HK1: variants seen among roughly 807,000 people sequenced by gnomAD.
The protein encoded by HK1 is hexokinase-1.
A neutral mutation model predicts 91.6 loss-of-function variants in HK1; 28 were observed. The observed-to-expected ratio is 0.31, with a 90% CI of 0.23 to 0.42. The LOEUF is 0.42. Among genes scored for constraint, HK1 ranks in the 10% least tolerant of loss-of-function variants. The probability of loss-of-function intolerance (pLI) is 1.00; values close to 1 mark genes in which losing one functional copy is unlikely to be tolerated. For missense variants in HK1, 770 were observed against 1,219.8 expected, an observed-to-expected ratio of 0.63 and a Z score of 5.49; for synonymous variants, 430 against 468.1, an observed-to-expected ratio of 0.92 and a Z score of 1.05.
In HK1 at chr10:69,382,622, C is replaced by G; in HGVS notation, c.1401C>G (p.His467Gln). The G allele has an allele frequency of 6.2e-7, 1 of 1,614,190 alleles. No homozygotes were observed. The highest frequency in any genetic ancestry group is 8.5e-7 in the Non-Finnish European group (1 of 1,180,034). ...TGGCCTACCGCTTGGCCGAGCAGCA[C>G]CGGCAGATAGAGGAGACCCTGGCTC... ...TAVAYRLAEQ[H>Q]RQIEETLAHF... Residue 467 changes from histidine to glutamine, a missense_variant, in exon 10 of 18, where the codon CAC becomes CAG. Around this residue, in one of 7 missense-constraint regions of HK1, gnomAD observed 449 missense variants for 665.1 expected, o/e 0.68. Transcript: ENST00000359426.
upstream of HK1, among the ~76,000 whole-genome samples, chr10:69,313,614 C>T (rs1178171793): frequency 6.6e-6 from 1 of 152,148 alleles, no homozygotes; most frequent in Non-Finnish European, 1.5e-5. Flanking sequence ...AGGCGTACAC[C>T]ACCATGCTGA....
rs181553527 is a variant in HK1, at chr10:69,380,439, G to A, written c.1265+344G>A. On this transcript the variant is annotated intron_variant, in intron 9 of 17. Coordinates refer to ENST00000359426, the MANE Select transcript of HK1 (RefSeq NM_000188.3). The surrounding 1 kb of genome is among the most constrained non-coding windows in gnomAD (Gnocchi z 4.0). ...GCTGGTATTGCTTCTGCACTCTGTC[G>A]TTACCTCGCCCTGTCAAAAGTCGAG... 1.4e-4 allele frequency among the ~76,000 whole-genome samples: 21 copies of A among 152,262 alleles called. No homozygotes were observed. The highest frequency in any genetic ancestry group is 4.1e-4 in the South Asian group (2 of 4,824).
intron 3 of HK1, among the ~76,000 whole-genome samples, chr10:69,294,903 C>A (rs1589445972): frequency 6.6e-6 from 1 of 151,454 alleles, no homozygotes; most frequent in Middle Eastern, 3.4e-3. Context: ...GTGTTGCACA[C>A]CTGTAGTCCC....
rs77156340 is a variant in HK1, at chr10:69,399,514, A to G, written c.2609+686A>G. On this transcript the variant is annotated intron_variant, in intron 17 of 17. Coordinates refer to ENST00000359426, the MANE Select transcript of HK1 (RefSeq NM_000188.3). The stretch of plus-strand genomic sequence containing the variant: ...GCAACAGAGTGAGACCCTATTTCAA[A>G]AAATAAAATAGGAAAGGAGGATAGC... 7.5e-3 allele frequency among the ~76,000 whole-genome samples: 1,137 copies of G among 152,248 alleles called. 19 individuals are homozygous for G. Among genetic ancestry groups the G allele is most frequent in the African/African-American group, 0.026 (1,074 of 41,530 alleles).
intron 4 of HK1, chr10:69,300,392 TC>T (rs1161139496): frequency 1.7e-5 from 10 of 576,240 alleles, no homozygotes; most frequent in South Asian, 3.7e-5. Flanking sequence ...TGCTTTTTTT[TC>T]ATGAGGCATT....
At chr10:69,300,865 C>A (rs1108272) in intron 5 of HK1, 6 of 1,460,552 alleles carry the variant, frequency 4.1e-6, no homozygotes, top group Non-Finnish European at 5.8e-6. Context: ...TGATTTTGTA[C>A]GTAGAAAATC....
intron 5 of HK1, among the ~76,000 whole-genome samples, chr10:69,301,573 C>CAAA (rs3086649): frequency 1.7e-3 from 134 of 80,706 alleles, no homozygotes; most frequent in African/African-American, 3.4e-3. Flanking sequence ...GACTCTGTCT[C>CAAA]AAAAAAAAAA....
intron 2 of HK1, chr10:69,288,590 T>A: frequency 1.3e-6 from 1 of 773,706 alleles, no homozygotes; most frequent in Admixed American, 1.8e-5. Context: ...TATTAGGGTG[T>A]TTAGCTTCCT....
intron 2 of HK1, among the ~76,000 whole-genome samples, chr10:69,351,044 G>A (rs1032968727): frequency 2.0e-5 from 3 of 151,320 alleles, no homozygotes; most frequent in African/African-American, 7.3e-5. Context: ...GCGTGGTGGC[G>A]GGCTCCTGTA....
At chr10:69,368,406 G>T (rs555264759) in intron 4 of HK1, 130 bp from the exon 5 acceptor site, 7 of 756,950 alleles carry the variant, frequency 9.2e-6, no homozygotes, top group African/African-American at 1.7e-5. Flanking sequence ...CCCAAGCCCA[G>T]TGTGATCTGG....
At chr10:69,276,589 G>A (rs977678517) in intron 1 of HK1, among the ~76,000 whole-genome samples, 3 of 151,996 alleles carry the variant, frequency 2.0e-5, no homozygotes, top group Non-Finnish European at 4.4e-5. Flanking sequence ...AACCCGGGAG[G>A]CGGAGGTTGC....
chr10:69,392,423 C>A (rs1839936094), intron 15 of HK1, 115 bp downstream of exon 15: 2 of 1,086,670 alleles, frequency 1.8e-6, no homozygotes, highest in African/African-American at 1.5e-5. Flanking sequence ...ACAGAGGTTT[C>A]AAGACTGGAC....
rs1212219357 is a variant in HK1, at chr10:69,302,652, G to A, written c.27+1791G>A. ...CATCTGTGGTCCCAGCTACTTGGGA[G>A]GCTGAGGTGGGAGGATCACTTGGGC... On this transcript the variant is annotated intron_variant, in intron 5 of 21. Transcript: ENST00000360289. Among the ~76,000 whole-genome samples, 4 of 151,752 alleles carry A rather than the reference G, an allele frequency of 2.6e-5. No homozygotes were observed. The East Asian group carries it at 7.8e-4, about 30-fold the overall frequency.
intron 3 of HK1, chr10:69,295,547 T>C (rs1402764023): frequency 6.7e-6 from 6 of 900,192 alleles, no homozygotes; most frequent in African/African-American, 1.6e-5. Flanking sequence ...CTGAGCGTGA[T>C]TGATTAGTTA....
chr10:69,394,604 G>A (rs1343071723), intron 15 of HK1, among the ~76,000 whole-genome samples: 2 of 151,766 alleles, frequency 1.3e-5, no homozygotes, highest in Non-Finnish European at 2.9e-5. Context: ...ATGGTGAGGT[G>A]TGTGGGAACC....
At chr10:69,327,257 G>A (rs1589489730) in intron 1 of HK1, among the ~76,000 whole-genome samples, 1 of 152,098 alleles carries the variant, frequency 6.6e-6, no homozygotes, top group East Asian at 1.9e-4. Context: ...TCTTTCCAAA[G>A]TTCTGGGATT....
chr10:69,333,329 G>A (rs925817400), intron 1 of HK1, among the ~76,000 whole-genome samples: 2 of 152,220 alleles, frequency 1.3e-5, no homozygotes, highest in African/African-American at 4.8e-5. Context: ...TTGTCGGGAG[G>A]TGCTGGGACA....
chr10:69,354,747 G>A (rs942118377), intron 2 of HK1, among the ~76,000 whole-genome samples: 1 of 152,126 alleles, frequency 6.6e-6, no homozygotes, highest in Non-Finnish European at 1.5e-5. Context: ...CCAAGTTGTG[G>A]TCTTTCCCTC....
At chr10:69,371,335 A>G (rs1253775345) in intron 7 of HK1, among the ~76,000 whole-genome samples, 1 of 52,010 alleles carries the variant, frequency 1.9e-5, no homozygotes, top group Non-Finnish European at 3.8e-5. Context: ...CACCCCGCCC[A>G]ATCCATTGAC....
Sources: allele counts gnomAD v4.1 joint callset (sites outside exome capture counted in the v4.1 genomes callset), GRCh38; gene constraint gnomAD v4.1.1; regional missense constraint gnomAD v4.1.1; non-coding constraint Gnocchi (gnomAD v3.1); transcripts MANE v1.5; gene names NCBI Gene and HGNC (gene_info 2026-07-23, HGNC 2026-07-21).